Variants in MVB12B observed in about 807,000 individuals in gnomAD.
MVB12B encodes multivesicular body subunit 12B, also known as ESCRT-I complex subunit MVB12B.
A neutral mutation model predicts 41.6 loss-of-function variants in MVB12B; 16 were observed. That is an observed-to-expected ratio of 0.38 (90% CI 0.26 to 0.58). The LOEUF (loss-of-function observed/expected upper bound fraction) is 0.58. Ranked by LOEUF, MVB12B falls within the 20% of genes least tolerant of loss-of-function variation. MVB12B has a pLI of 0.62. For synonymous variants in MVB12B, 133 were observed against 139.7 expected (o/e 0.95, Z 0.34); for missense variants, 274 against 380.2 (o/e 0.72, Z 2.32).
chr9:126,361,242 C>G lies in MVB12B; in HGVS notation c.205-19822C>G, dbSNP rs557500446. Reference sequence around the variant, plus strand: ...ATTTCTTTTTGTTGTTGTTGTTTCTCAGTAGTTGCTTTTGAGTCTATACCA... The same window carrying G: ...ATTTCTTTTTGTTGTTGTTGTTTCTGAGTAGTTGCTTTTGAGTCTATACCA... On this transcript the variant is annotated intron_variant, in intron 2 of 9. Transcript: ENST00000361171. 2.6e-4 allele frequency among the ~76,000 whole-genome samples: 39 copies of G among 151,944 alleles called. 1 individual carries two copies. In the South Asian group the frequency reaches 7.9e-3, roughly 31 times the overall value.
At chr9:126,329,008 C>G (rs1044569940) in intron 1 of MVB12B, among the ~76,000 whole-genome samples, 9 of 152,066 alleles carry the variant, frequency 5.9e-5, no homozygotes, top group African/African-American at 2.2e-4. Flanking sequence ...GTCTTGAACA[C>G]CAGAGCTTAA....
At chr9:126,336,342 G>T (rs1829273649) in intron 1 of MVB12B, among the ~76,000 whole-genome samples, 1 of 152,236 alleles carries the variant, frequency 6.6e-6, no homozygotes, top group Non-Finnish European at 1.5e-5. Context: ...GGGCCGGGAG[G>T]CACACCTTTG....
intron 2 of MVB12B, among the ~76,000 whole-genome samples, chr9:126,358,451 C>T (rs1430980644): frequency 6.6e-6 from 1 of 152,018 alleles, no homozygotes; most frequent in Non-Finnish European, 1.5e-5. Flanking sequence ...GGATGTGGTA[C>T]ATCTCTTCAT....
intron 6 of MVB12B, among the ~76,000 whole-genome samples, chr9:126,416,844 T>G (rs1295584209): frequency 6.6e-6 from 1 of 152,182 alleles, no homozygotes; most frequent in Non-Finnish European, 1.5e-5. Flanking sequence ...CATCCCACGC[T>G]GGGGAACTGG....
At position 126,503,612 on chromosome 9, in the gene MVB12B, C is replaced by G. The variant is rs1564355740; in HGVS notation, c.*349C>G. 1 of 334,034 alleles carries G rather than the reference C, an allele frequency of 3.0e-6. No individual in the cohort carries two copies. Among genetic ancestry groups the G allele is most frequent in the Non-Finnish European group, 5.4e-6 (1 of 185,226 alleles). The allele number at this position is 334,034 out of a possible 1,614,324, so 20.7% of individuals were successfully genotyped here. ...CAGTTGCCCTGGCCGCCCAGTGACG[C>G]CCACCGGCTCCCTCCGCTCCCTCCT... On this transcript the variant is annotated 3_prime_UTR_variant, in exon 10 of 10. Transcript: ENST00000361171.
intron 7 of MVB12B, among the ~76,000 whole-genome samples, chr9:126,474,053 T>C (rs1190368488): frequency 6.6e-6 from 1 of 152,144 alleles, no homozygotes; most frequent in Non-Finnish European, 1.5e-5. Context: ...CGTCTTTGGC[T>C]CTGCCAAGGA....
chr9:126,478,905 C>G lies in MVB12B; in HGVS notation c.758-2464C>G. The stretch of plus-strand genomic sequence containing the variant: ...CCAGTGAGAGGCAGTTCTTCACTCC[C>G]AAATACTAATAAGGTCTTTAAAACA... On this transcript the variant is annotated intron_variant, in intron 7 of 9. Transcript: ENST00000361171. The surrounding 1 kb of genome is among the most constrained non-coding windows in gnomAD (Gnocchi z 4.2). 6.6e-6 allele frequency among the ~76,000 whole-genome samples: 1 copy of G among 152,192 alleles called. No homozygotes were observed. The highest frequency in any genetic ancestry group is 1.9e-4 in the East Asian group (1 of 5,186).
chr9:126,435,340 ATGG>A (rs1203660374), intron 7 of MVB12B, among the ~76,000 whole-genome samples: 2 of 152,188 alleles, frequency 1.3e-5, no homozygotes, highest in African/African-American at 4.8e-5. Flanking sequence ...GAGCTCATGA[ATGG>A]TGGGACCTGG....
At chr9:126,411,132 C>T (rs367670205) in intron 6 of MVB12B, among the ~76,000 whole-genome samples, 25 of 152,296 alleles carry the variant, frequency 1.6e-4, no homozygotes, top group African/African-American at 5.5e-4. Flanking sequence ...CGTGATCCAC[C>T]CGCCTTGGCC....
At chr9:126,481,477 C>A in intron 8 of MVB12B, 53 bp downstream of exon 8, 1 of 1,324,842 alleles carries the variant, frequency 7.5e-7, no homozygotes, top group Non-Finnish European at 1.1e-6. Flanking sequence ...AGCCTGAGGT[C>A]CCTCCATCCT....
At chr9:126,396,672 C>G in intron 6 of MVB12B, 1 of 985,470 alleles carries the variant, frequency 1.0e-6, no homozygotes, top group Non-Finnish European at 1.2e-6. Flanking sequence ...CTCCAAAGCC[C>G]TGAGGACTCT....
intron 7 of MVB12B, among the ~76,000 whole-genome samples, chr9:126,458,531 T>A: frequency 6.6e-6 from 1 of 152,238 alleles, no homozygotes; most frequent in East Asian, 1.9e-4. Context: ...ATATTCTTCT[T>A]CCCCTGGGGC....
rs560713442 is a variant in MVB12B at position 126,433,296 on chromosome 9, GGATACACCAGGTATCCCCTCT to G, written c.757+11368_757+11388del. Among the ~76,000 whole-genome samples the G allele has an allele frequency of 7.0e-3, 1,045 of 149,960 alleles. 8 individuals carry two copies. The highest frequency in any genetic ancestry group is 0.021 in the African/African-American group (815 of 39,446). The stretch of plus-strand genomic sequence containing the variant: ...CAGATCCTTTCCCAGCCAGGAAAGG[GGATACACCAGGTATCCCCTCT>G]GATACACCAGGTATCCCCTTTGATA... On this transcript the variant is annotated intron_variant, in intron 7 of 9. Coordinates refer to ENST00000361171, the MANE Select transcript of MVB12B (RefSeq NM_033446.3).
chr9:126,419,309 T>C (rs1831927120), intron 6 of MVB12B, among the ~76,000 whole-genome samples: 1 of 152,222 alleles, frequency 6.6e-6, no homozygotes, highest in Non-Finnish European at 1.5e-5. Flanking sequence ...AGTGCAGTTA[T>C]AGCACCTACC....
intron 9 of MVB12B, 62 bp downstream of exon 9, chr9:126,484,094 C>G (rs930454254): frequency 8.0e-6 from 12 of 1,494,202 alleles, no homozygotes; most frequent in Non-Finnish European, 1.1e-5. Flanking sequence ...ACCGGCGTCT[C>G]TCGTGTGTTC....
chr9:126,456,789 G>A (rs1349167037), intron 7 of MVB12B, among the ~76,000 whole-genome samples: 3 of 152,156 alleles, frequency 2.0e-5, no homozygotes, highest in African/African-American at 7.2e-5. Flanking sequence ...TGCTCCCCTC[G>A]AGTTTCTTCA....
intron 7 of MVB12B, among the ~76,000 whole-genome samples, chr9:126,448,651 C>T (rs1832837495): frequency 6.6e-6 from 1 of 152,062 alleles, no homozygotes; most frequent in African/African-American, 2.4e-5. Context: ...AAAGGGGAAG[C>T]CGATGTATCA....
intron 7 of MVB12B, among the ~76,000 whole-genome samples, chr9:126,442,558 T>C (rs1455857984): frequency 6.6e-6 from 1 of 152,170 alleles, no homozygotes; most frequent in Non-Finnish European, 1.5e-5. Context: ...AACTTGGAAA[T>C]GTAAATTGGA....
chr9:126,348,992 C>T (rs1281370819), intron 2 of MVB12B, among the ~76,000 whole-genome samples: 2 of 152,026 alleles, frequency 1.3e-5, no homozygotes, highest in African/African-American at 2.4e-5. Flanking sequence ...GATTATTACT[C>T]GCAGTTCCCA....
Sources: gnomAD v4.1 joint callset for allele counts (sites outside exome capture counted in the v4.1 genomes callset) on GRCh38, gnomAD v4.1.1 for gene constraint, Gnocchi (gnomAD v3.1) non-coding constraint, MANE v1.5 for transcripts, NCBI Gene and HGNC (gene_info 2026-07-23, HGNC 2026-07-21) for gene names.